Variants in ZBTB41 observed in about 807,000 individuals in gnomAD.
ZBTB41 encodes the protein zinc finger and BTB domain containing 41, also known as zinc finger and BTB domain-containing protein 41.
Under a neutral mutation model 87.6 loss-of-function variants are expected in ZBTB41, and 42 were observed. The observed-to-expected ratio is 0.48, with a 90% CI of 0.37 to 0.62. ZBTB41 has a LOEUF of 0.62. Among genes scored for constraint, ZBTB41 ranks in the 20% least tolerant of loss-of-function variants. The pLI is 0.00. For synonymous variants in ZBTB41, 364 were observed against 364.0 expected (o/e 1.00, Z 0.00); for missense variants, 799 against 1,078.9 (o/e 0.74, Z 3.63).
At chr1:197,179,380 A>T (rs899296162) in intron 6 of ZBTB41, among the ~76,000 whole-genome samples, 1 of 152,128 alleles carries the variant, frequency 6.6e-6, no homozygotes, top group Non-Finnish European at 1.5e-5. Context: ...GTAGACAAAC[A>T]TACTACATTG....
chr1:197,193,446 T>G (rs944704901), intron 2 of ZBTB41, among the ~76,000 whole-genome samples: 118 of 152,240 alleles, frequency 7.8e-4, no homozygotes, highest in African/African-American at 2.6e-3. Context: ...AAATATTAAC[T>G]GTCATCATTA....
chr1:197,154,534 T>C lies in ZBTB41; in HGVS notation c.*4825A>G, dbSNP rs1659022041. 6.6e-6 allele frequency: 1 copy of C among 152,108 alleles called. No homozygotes were observed. Among genetic ancestry groups the C allele is most frequent in the South Asian group, 2.1e-4 (1 of 4,830 alleles). The allele number at this position is 152,108 out of a possible 1,614,324, so 9.4% of individuals were successfully genotyped here. A position where few individuals can be genotyped will look rare whatever the true frequency, so the allele number is the denominator to read the frequency against. The stretch of plus-strand genomic sequence containing the variant: ...CTCTACAAAAACCTTCTTTTTCTCA[T>C]CTTCCACACATCTTAATCCTATTAC... On this transcript the variant is annotated 3_prime_UTR_variant, in exon 11 of 11. Transcript: ENST00000367405.
chr1:197,170,135 C>G (rs1240420111), intron 10 of ZBTB41, among the ~76,000 whole-genome samples: 1 of 151,524 alleles, frequency 6.6e-6, no homozygotes, highest in Non-Finnish European at 1.5e-5. Context: ...ATTGTTTCTC[C>G]AGATGAGGAT....
intron 2 of ZBTB41, among the ~76,000 whole-genome samples, chr1:197,197,000 G>T (rs1173947735): frequency 6.6e-6 from 1 of 151,974 alleles, no homozygotes. Context: ...AAACTCTAAG[G>T]TTCTTGATGA....
intron 9 of ZBTB41, among the ~76,000 whole-genome samples, chr1:197,172,626 T>C (rs746638916): frequency 1.3e-5 from 2 of 152,042 alleles, no homozygotes; most frequent in Admixed American, 6.6e-5. Flanking sequence ...TGAAGAGTTG[T>C]CTAGAAAGGG....
Position 197,159,857 on chromosome 1 carries a change from G to A in ZBTB41, c.2232C>T (p.Asp744=). Residue 744 remains aspartate (D), a synonymous_variant, in exon 11 of 11, where the codon GAC becomes GAT. Transcript: ENST00000367405. ...CAGGAGATTTTATTTCATGAACATG[G>A]TCAATGTGGTATTTCAGCTTGTCTT... is the stretch of plus-strand genomic sequence containing the variant. ...KRKDKLKYHI[D]HVHEIKSPDD... The A allele has an allele frequency of 6.8e-6, 11 of 1,613,948 alleles. No individual in the cohort carries two copies. The highest frequency in any genetic ancestry group is 9.3e-6 in the Non-Finnish European group (11 of 1,179,886).
intron 10 of ZBTB41, among the ~76,000 whole-genome samples, chr1:197,163,834 A>G (rs1160813920): frequency 6.6e-6 from 1 of 152,088 alleles, no homozygotes; most frequent in Non-Finnish European, 1.5e-5. Context: ...TAACCTATCT[A>G]AAGTGCCAAA....
chr1:197,196,087 T>G (rs368676932), intron 2 of ZBTB41, among the ~76,000 whole-genome samples: 4 of 152,158 alleles, frequency 2.6e-5, no homozygotes, highest in South Asian at 4.1e-4. Flanking sequence ...TAAAAATTTA[T>G]TTGAAATGAC....
At position 197,200,263 on chromosome 1, in the gene ZBTB41, T is replaced by C; in HGVS notation, c.211A>G (p.Lys71Glu). Reference protein sequence around the residue: ...RKLLSSLQYNKNLLKYLNDDR... With the variant: ...RKLLSSLQYNENLLKYLNDDR... ...TCATTTAAATATTTTAGCAAATTCT[T>C]ATTATACTGCAAAGAACTTAAAAGC... The change falls in exon 2 of 11, where the codon AAG (lysine) becomes GAG (glutamate). Residue 71 changes from lysine to glutamate, a missense_variant. This residue lies in a region of ZBTB41 where 59 missense variants were observed against 120.1 expected (regional missense o/e 0.49). Coordinates refer to ENST00000367405, the MANE Select transcript of ZBTB41 (RefSeq NM_194314.3). The C allele has an allele frequency of 6.2e-7, 1 of 1,612,408 alleles. No homozygotes were observed. Among genetic ancestry groups the C allele is most frequent in the Non-Finnish European group, 8.5e-7 (1 of 1,179,572 alleles).
Position 197,155,943 on chromosome 1 carries a change from G to A in ZBTB41, c.*3416C>T, listed in dbSNP as rs1170585364. On this transcript the variant is annotated 3_prime_UTR_variant, in exon 11 of 11. Coordinates refer to ENST00000367405, the MANE Select transcript of ZBTB41 (RefSeq NM_194314.3). The stretch of plus-strand genomic sequence containing the variant: ...TTTAGGCTGCAAAAAAAATAGGTTG[G>A]GTTTCTTACAAAAATAACCTCAACT... 1.3e-5 allele frequency: 2 copies of A among 152,054 alleles called. No individual in the cohort carries two copies. Among genetic ancestry groups the A allele is most frequent in the Non-Finnish European group, 3.0e-5 (2 of 67,728 alleles). The allele number at this position is 152,054 out of a possible 1,614,324, so 9.4% of individuals were successfully genotyped here.
chr1:197,196,563 G>C (rs1660167105), intron 2 of ZBTB41, among the ~76,000 whole-genome samples: 1 of 151,964 alleles, frequency 6.6e-6, no homozygotes, highest in African/African-American at 2.4e-5. Flanking sequence ...AAGCCACCAT[G>C]ATCTTTCTAA....
rs78629045 is a variant in ZBTB41 at position 197,187,956 on chromosome 1, G to T, written c.1546+336C>A. Among the ~76,000 whole-genome samples the T allele has an allele frequency of 4.3e-4, 65 of 152,234 alleles. No homozygotes were observed. In the East Asian group the frequency reaches 0.012, roughly 28 times the overall value. ...ACTATAATGATACCCGTCATTACAG[G>T]TTTGTCTAAAACAACACAAAATACA... is the stretch of plus-strand genomic sequence containing the variant. On this transcript the variant is annotated intron_variant, in intron 5 of 10. Coordinates refer to ENST00000367405, the MANE Select transcript of ZBTB41 (RefSeq NM_194314.3).
chr1:197,197,654 G>A (rs1660203145), intron 2 of ZBTB41, among the ~76,000 whole-genome samples: 1 of 151,940 alleles, frequency 6.6e-6, no homozygotes, highest in Non-Finnish European at 1.5e-5. Context: ...CCTCAATCTT[G>A]AGCAGTATTT....
intron 6 of ZBTB41, 62 bp from the exon 7 acceptor site, chr1:197,178,574 G>A (rs1159866788): frequency 1.7e-6 from 2 of 1,198,396 alleles, no homozygotes; most frequent in African/African-American, 1.6e-5. Flanking sequence ...ATAGATTTCT[G>A]GAAAACTTAC....
chr1:197,184,876 G>A (rs1054047254), intron 5 of ZBTB41, among the ~76,000 whole-genome samples: 37 of 151,902 alleles, frequency 2.4e-4, no homozygotes, highest in Middle Eastern at 3.4e-3. Context: ...GTGCAATAGC[G>A]CGATCTTGAC....
rs1659134703 is a variant in ZBTB41, at chr1:197,159,070, C to T, written c.*289G>A. 6.8e-6 allele frequency: 2 copies of T among 294,580 alleles called. No individual in the cohort carries two copies. The highest frequency in any genetic ancestry group is 1.3e-5 in the Non-Finnish European group (2 of 158,722). The allele number at this position is 294,580 out of a possible 1,614,324, so 18.2% of individuals were successfully genotyped here. A position where few individuals can be genotyped will look rare whatever the true frequency, so the allele number is the denominator to read the frequency against. On this transcript the variant is annotated 3_prime_UTR_variant, in exon 11 of 11. Transcript: ENST00000367405. ...CCACTGATGATTAAAAAAAATACTT[C>T]CATAATATCAGCAGCTAATAATTGC... is the stretch of plus-strand genomic sequence containing the variant.
chr1:197,161,107 C>G (rs1246790394), intron 10 of ZBTB41, among the ~76,000 whole-genome samples: 4 of 152,032 alleles, frequency 2.6e-5, no homozygotes, highest in African/African-American at 7.2e-5. Flanking sequence ...TCCCTATAGC[C>G]CCTGGAAAGA....
chr1:197,169,570 G>C (rs1169004773), intron 10 of ZBTB41, among the ~76,000 whole-genome samples: 4 of 151,960 alleles, frequency 2.6e-5, no homozygotes, highest in African/African-American at 9.7e-5. Flanking sequence ...CTGACTGGGA[G>C]GAGCCATAGA....
Position 197,199,884 on chromosome 1 carries a change from TTTAG to T in ZBTB41, c.586_589del (p.Leu196MetfsTer3), listed in dbSNP as rs1660266018. ...ATTTGATAGTCTTCCAGTTAATTCATTTAGTGTTTCTTCTGGTGATGACTTTTCA... is the reference window on the plus strand; with the variant it reads ...ATTTGATAGTCTTCCAGTTAATTCATTGTTTCTTCTGGTGATGACTTTTCA... On this transcript the variant is annotated frameshift_variant, in exon 2 of 11. Coordinates refer to ENST00000367405, the MANE Select transcript of ZBTB41 (RefSeq NM_194314.3). LOFTEE classifies it high-confidence loss of function. 2 of 1,610,136 alleles carry T rather than the reference TTTAG, an allele frequency of 1.2e-6. No individual in the cohort carries two copies. The highest frequency in any genetic ancestry group is 1.1e-5 in the South Asian group (1 of 90,056).
Sources: gnomAD v4.1 joint callset for allele counts (sites outside exome capture counted in the v4.1 genomes callset) on GRCh38, gnomAD v4.1.1 for gene constraint, gnomAD v4.1.1 regional missense constraint, MANE v1.5 for transcripts, NCBI Gene and HGNC (gene_info 2026-07-23, HGNC 2026-07-21) for gene names.